FGF2: variants seen among roughly 807,000 people sequenced by gnomAD.
FGF2 encodes basic fibroblast growth factor bFGF.
A neutral mutation model predicts 15.9 loss-of-function variants in FGF2; 13 were observed. The observed-to-expected ratio is 0.82, with a 90% CI of 0.53 to 1.30. The LOEUF (loss-of-function observed/expected upper bound fraction) is 1.30. Among genes scored for constraint, FGF2 ranks in the 50% most tolerant of loss-of-function variants. The pLI is 0.00. For synonymous variants in FGF2, 90 were observed against 78.4 expected (o/e 1.15, Z -0.78); for missense variants, 163 against 196.9 (o/e 0.83, Z 1.03).
chr4:122,841,372 C>T (rs1725980800), intron 1 of FGF2, among the ~76,000 whole-genome samples: 1 of 152,192 alleles, frequency 6.6e-6, no homozygotes, highest in Non-Finnish European at 1.5e-5. Flanking sequence ...GTGGACACTC[C>T]TTAGTCATGG....
chr4:122,835,427 G>A (rs973817598), intron 1 of FGF2, among the ~76,000 whole-genome samples: 17 of 151,546 alleles, frequency 1.1e-4, no homozygotes, highest in South Asian at 6.2e-4. Context: ...AGAAGATCAT[G>A]TATTGTCTCT....
At chr4:122,828,109 A>G (rs1725686362) in intron 1 of FGF2, among the ~76,000 whole-genome samples, 1 of 152,194 alleles carries the variant, frequency 6.6e-6, no homozygotes, top group Non-Finnish European at 1.5e-5. Context: ...AGGCTTGAGG[A>G]TGAAATGAGA....
intron 1 of FGF2, among the ~76,000 whole-genome samples, chr4:122,855,052 A>G (rs1726312838): frequency 6.6e-6 from 1 of 151,916 alleles, no homozygotes; most frequent in East Asian, 1.9e-4. Flanking sequence ...ATTTTTGTGG[A>G]TGAATGTGAA....
At chr4:122,868,470 A>G (rs1376649924) in intron 1 of FGF2, among the ~76,000 whole-genome samples, 2 of 152,214 alleles carry the variant, frequency 1.3e-5, no homozygotes, top group Non-Finnish European at 2.9e-5. Flanking sequence ...TTATGGCTGC[A>G]TAATATTCCA....
chr4:122,866,470 A>G (rs1274251693), intron 1 of FGF2, among the ~76,000 whole-genome samples: 1 of 152,254 alleles, frequency 6.6e-6, no homozygotes. Flanking sequence ...TCTAGAACAT[A>G]TAATGAACTC....
chr4:122,827,625 C>T lies in FGF2; in HGVS notation c.178+273C>T, dbSNP rs1725671510. 6.6e-6 allele frequency among the ~76,000 whole-genome samples: 1 copy of T among 152,150 alleles called. No homozygotes were observed. The highest frequency in any genetic ancestry group is 1.5e-5 in the Non-Finnish European group (1 of 68,020). ...GCCCGGAGCCGCGGCGCGCCGGGGC[C>T]TCGCGGACTGGCTGTCTTCCCGCGG... On this transcript the variant is annotated intron_variant, in intron 1 of 2. Coordinates refer to ENST00000644866, the MANE Select transcript of FGF2 (RefSeq NM_001361665.2). The surrounding 1 kb of genome is among the most constrained non-coding windows in gnomAD (Gnocchi z 4.2).
At chr4:122,887,002 A>G (rs952696325) in intron 2 of FGF2, among the ~76,000 whole-genome samples, 2 of 152,112 alleles carry the variant, frequency 1.3e-5, no homozygotes, top group African/African-American at 2.4e-5. Context: ...AAATATTTCT[A>G]TATTTGGCCA....
chr4:122,884,515 G>T (rs1273200571), intron 2 of FGF2: 1 of 151,998 alleles, frequency 6.6e-6, no homozygotes, highest in Non-Finnish European at 1.5e-5. Flanking sequence ...AAAATAAAAA[G>T]ATCAAATTTA....
chr4:122,838,720 C>T (rs371690705), intron 1 of FGF2, among the ~76,000 whole-genome samples: 18 of 152,316 alleles, frequency 1.2e-4, no homozygotes, highest in South Asian at 1.0e-3. Context: ...TCTGCCCCTT[C>T]GTCTATTCCA....
chr4:122,826,943 G>A lies in FGF2; in HGVS notation c.-232G>A, dbSNP rs1725645711. On this transcript the variant is annotated 5_prime_UTR_variant, in exon 1 of 3. Transcript: ENST00000644866. ...GGAGACACCCATCCGTGAACCCCAGGTCCCGGGCCGCCGGCTCGCCGCGCA... is the reference window on the plus strand; with the variant it reads ...GGAGACACCCATCCGTGAACCCCAGATCCCGGGCCGCCGGCTCGCCGCGCA... 7.2e-7 allele frequency: 1 copy of A among 1,383,700 alleles called. No individual in the cohort carries two copies. Among genetic ancestry groups the A allele is most frequent in the Non-Finnish European group, 9.4e-7 (1 of 1,062,948 alleles). 85.7% of individuals were successfully genotyped at this position (1,383,700 alleles called of 1,614,324 possible).
chr4:122,897,751 C>A lies in FGF2; in HGVS notation c.*5355C>A. ...CACACATATGTAGATTTCACAAAAT[C>A]CACCTATAATTGGTCAAAGTGGTTG... On this transcript the variant is annotated 3_prime_UTR_variant, in exon 3 of 3. Transcript: ENST00000644866. 4.7e-6 allele frequency: 5 copies of A among 1,056,236 alleles called. No individual in the cohort carries two copies. Among genetic ancestry groups the A allele is most frequent in the Non-Finnish European group, 7.4e-6 (5 of 677,836 alleles). 65.4% of individuals were successfully genotyped at this position (1,056,236 alleles called of 1,614,324 possible). A position where few individuals can be genotyped will look rare whatever the true frequency, so the allele number is the denominator to read the frequency against.
chr4:122,837,422 A>C (rs552079826), intron 1 of FGF2, among the ~76,000 whole-genome samples: 70 of 152,344 alleles, frequency 4.6e-4, no homozygotes, highest in Non-Finnish European at 7.2e-4. Flanking sequence ...TTTTGGAAAC[A>C]TATCACTTGA....
At chr4:122,844,586 T>C (rs4591621) in intron 1 of FGF2, among the ~76,000 whole-genome samples, 11,043 of 133,480 alleles carry the variant, frequency 0.083, 592 homozygotes, top group African/African-American at 0.14. Flanking sequence ...TTTCTTTCTT[T>C]CTTCCTTCCT....
At chr4:122,871,731 C>A (rs45530936) in intron 1 of FGF2, among the ~76,000 whole-genome samples, 1 of 150,394 alleles carries the variant, frequency 6.6e-6, no homozygotes, top group East Asian at 1.9e-4. Context: ...TAAAGTGAAC[C>A]CCCAGCAAAC....
chr4:122,876,497 A>T, intron 2 of FGF2, 73 bp downstream of exon 2: 1 of 930,880 alleles, frequency 1.1e-6, no homozygotes, highest in Non-Finnish European at 1.8e-6. Flanking sequence ...ATTGTTGTTT[A>T]TCAAATCTTT....
chr4:122,856,263 A>G (rs1726339446), intron 1 of FGF2, among the ~76,000 whole-genome samples: 1 of 152,208 alleles, frequency 6.6e-6, no homozygotes, highest in Non-Finnish European at 1.5e-5. Flanking sequence ...AGACTGCACT[A>G]GAATGTAAAA....
At chr4:122,840,022 A>G (rs941711060) in intron 1 of FGF2, among the ~76,000 whole-genome samples, 9 of 152,004 alleles carry the variant, frequency 5.9e-5, no homozygotes, top group African/African-American at 2.2e-4. Context: ...GTCTCTTTGT[A>G]TGTCCAGGTT....
intron 1 of FGF2, among the ~76,000 whole-genome samples, chr4:122,842,247 G>A (rs951328137): frequency 2.6e-5 from 4 of 152,204 alleles, no homozygotes; most frequent in African/African-American, 9.7e-5. Flanking sequence ...CTTTCCTCCA[G>A]ACAGAGAGTT....
In FGF2 at chr4:122,897,860, G is replaced by T. The variant is rs1431375288; in HGVS notation, c.*5464G>T. 2 of 577,890 alleles carry T rather than the reference G, an allele frequency of 3.5e-6. No individual in the cohort carries two copies. Among genetic ancestry groups the T allele is most frequent in the Non-Finnish European group, 6.2e-6 (2 of 321,026 alleles). 35.8% of individuals were successfully genotyped at this position (577,890 alleles called of 1,614,324 possible). On this transcript the variant is annotated 3_prime_UTR_variant, in exon 3 of 3. Transcript: ENST00000644866. ...CGTTTCTTCTTTTTTTGGGGGAGCT[G>T]GTAACTGATGAAATCTTTTCCCACC...
Sources: allele counts gnomAD v4.1 joint callset (sites outside exome capture counted in the v4.1 genomes callset), GRCh38; gene constraint gnomAD v4.1.1; non-coding constraint Gnocchi (gnomAD v3.1); transcripts MANE v1.5; gene names NCBI Gene and HGNC (gene_info 2026-07-23, HGNC 2026-07-21).